Variants in MRPL40 observed in about 807,000 individuals in gnomAD.
MRPL40 encodes large ribosomal subunit protein mL40.
Under a neutral mutation model 24.5 loss-of-function variants are expected in MRPL40, and 18 were observed. The observed-to-expected ratio is 0.73, with a 90% CI of 0.51 to 1.09. The LOEUF is 1.09. MRPL40 is among the 50% of genes least tolerant of loss of function. The pLI, the probability that MRPL40 is intolerant of heterozygous loss-of-function variation, is 0.00. For synonymous variants in MRPL40, 108 were observed against 94.6 expected (o/e 1.14, Z -0.82); for missense variants, 256 against 243.8 (o/e 1.05, Z -0.33).
intron 2 of MRPL40, among the ~76,000 whole-genome samples, chr22:19,433,832 G>A (rs2089568337): frequency 6.6e-6 from 1 of 151,860 alleles, no homozygotes; most frequent in Non-Finnish European, 1.5e-5. Context: ...GTGTGACCTC[G>A]GATCACTGCA....
intron 2 of MRPL40, 57 bp from the exon 3 acceptor site, chr22:19,434,679 C>T (rs577080649): frequency 1.4e-6 from 2 of 1,439,268 alleles, no homozygotes; most frequent in South Asian, 2.8e-5. Flanking sequence ...CATCTTGTCT[C>T]TCAGTAGGTT....
intron 3 of MRPL40, among the ~76,000 whole-genome samples, 169 bp downstream of exon 3, chr22:19,435,063 G>A (rs1381963426): frequency 2.6e-5 from 4 of 152,152 alleles, no homozygotes; most frequent in African/African-American, 9.7e-5. Context: ...GCATCCTTGG[G>A]TGGTACTCTT....
rs964115308 is a variant in MRPL40, at chr22:19,433,296, G to C, written c.85G>C (p.Glu29Gln). The change falls in exon 2 of 4, where the codon GAG becomes CAG. Residue 29 changes from glutamate to glutamine, a missense_variant. Coordinates refer to ENST00000333130, the MANE Select transcript of MRPL40 (RefSeq NM_003776.4). ...LLGTWQTQLRETHQRASLLSF... is the reference protein window; with the variant it reads ...LLGTWQTQLRQTHQRASLLSF... ...GGGAACTTGGCAGACGCAGCTTAGA[G>C]AGACTCACCAGCGAGCGTCATTGTT... 1.2e-6 allele frequency: 2 copies of C among 1,613,274 alleles called. No individual in the cohort carries two copies. Among genetic ancestry groups the C allele is most frequent in the Non-Finnish European group, 1.7e-6 (2 of 1,179,334 alleles).
At chr22:19,434,216 C>CTTTTTTTT (rs35856980) in intron 2 of MRPL40, among the ~76,000 whole-genome samples, 47 of 85,290 alleles carry the variant, frequency 5.5e-4, no homozygotes, top group Non-Finnish European at 7.9e-4. Context: ...TGCTTTTGTA[C>CTTTTTTTT]TTTTTTTTTT....
In MRPL40 at chr22:19,435,901, C is replaced by A. The variant is rs756337447; in HGVS notation, c.560C>A (p.Pro187His). The A allele has an allele frequency of 1.2e-6, 2 of 1,614,118 alleles. No individual in the cohort carries two copies. The highest frequency in any genetic ancestry group is 1.1e-5 in the South Asian group (1 of 91,080). The change falls in exon 4 of 4, where the codon CCC becomes CAC. Residue 187 changes from proline to histidine, a missense_variant. Physicochemically the swap from Pro to His is moderately conservative, Grantham distance 77. Transcript: ENST00000333130. Reference sequence around the variant, plus strand: ...ACACCACCGATCCCTAACTACCAACCCCCTGAAGGCAGGTACAATGACATC... The same window carrying A: ...ACACCACCGATCCCTAACTACCAACACCCTGAAGGCAGGTACAATGACATC... ...HYTPPIPNYQ[P>H]PEGRYNDITK...
chr22:19,432,672 C>T, intron 1 of MRPL40, 65 bp downstream of exon 1: 1 of 1,491,136 alleles, frequency 6.7e-7, no homozygotes, highest in Non-Finnish European at 9.0e-7. Context: ...CGCGACTGTC[C>T]GCCAGGACTC....
Position 19,433,324 on chromosome 22 carries a change from C to T in MRPL40, c.113C>T (p.Ser38Phe). The change falls in exon 2 of 4, where the codon TCT (serine) becomes TTT (phenylalanine). Residue 38 changes from serine (S) to phenylalanine (F), a missense_variant. By Grantham distance (155) the Ser-to-Phe change is radical (BLOSUM62 -2). Coordinates refer to ENST00000333130, the MANE Select transcript of MRPL40 (RefSeq NM_003776.4). The part of the protein sequence containing the change: ...RETHQRASLL[S>F]FWELIPMRSE... ...ACTCACCAGCGAGCGTCATTGTTGT[C>T]TTTCTGGGAACTCATTCCCATGAGG... The T allele has an allele frequency of 4.3e-6, 7 of 1,612,368 alleles. No individual in the cohort carries two copies. The highest frequency in any genetic ancestry group is 5.9e-6 in the Non-Finnish European group (7 of 1,178,520).
Position 19,435,954 on chromosome 22 carries a change from A to AAGAGAT in MRPL40, c.617_*1dup. ...CAAGGTGTACACACAAGTGGAGTTT[A>AAGAGAT]AGAGATAGACTTGCAGGCTGCTATC... is the stretch of plus-strand genomic sequence containing the variant. On this transcript the variant is annotated stop_gained and inframe_insertion, in exon 4 of 4. Coordinates refer to ENST00000333130, the MANE Select transcript of MRPL40 (RefSeq NM_003776.4). LOFTEE classifies it high-confidence loss of function. 2 of 1,612,522 alleles carry AAGAGAT rather than the reference A, an allele frequency of 1.2e-6. No individual in the cohort carries two copies. Among genetic ancestry groups the AAGAGAT allele is most frequent in the Non-Finnish European group, 1.7e-6 (2 of 1,178,752 alleles).
In MRPL40 at chr22:19,434,814, C is replaced by T; in HGVS notation, c.216C>T (p.Ile72=). ...CAAAGGAGCGCTTGAAAAGGAAGAT[C>T]CGAAAACTGGAAAAGGCTACTCAAG... ...QEAKERLKRK[I]RKLEKATQEL... Residue 72 remains isoleucine, a synonymous_variant, in exon 3 of 4, where the codon ATC becomes ATT. Coordinates refer to ENST00000333130, the MANE Select transcript of MRPL40 (RefSeq NM_003776.4). 2 of 1,612,430 alleles carry T rather than the reference C, an allele frequency of 1.2e-6. No individual in the cohort carries two copies. Among genetic ancestry groups the T allele is most frequent in the Non-Finnish European group, 1.7e-6 (2 of 1,179,598 alleles).
At position 19,432,741 on chromosome 22, in the gene MRPL40, C is replaced by A; in HGVS notation, c.53+134C>A. 3 of 1,412,084 alleles carry A rather than the reference C, an allele frequency of 2.1e-6. No individual in the cohort carries two copies. The South Asian group carries it at 4.5e-5, about 21-fold the overall frequency. The allele number at this position is 1,412,084 out of a possible 1,614,324, so 87.5% of individuals were successfully genotyped here. A position where few individuals can be genotyped will look rare whatever the true frequency, so the allele number is the denominator to read the frequency against. On this transcript the variant is annotated intron_variant, in intron 1 of 3. Transcript: ENST00000333130. ...ATATCTCAGGGATGAGCCATCTGGT[C>A]GTGACTCTTATGCATGAAAATCTGA...
rs1249105549 is a variant in MRPL40, at chr22:19,435,881, A to T, written c.540A>T (p.Pro180=). The T allele has an allele frequency of 1.2e-6, 2 of 1,613,914 alleles. No individual in the cohort carries two copies. The highest frequency in any genetic ancestry group is 2.7e-5 in the African/African-American group (2 of 74,844). ...PFEKEGPHYT[P]PIPNYQPPEG... is the part of the protein sequence containing the mutation. The stretch of plus-strand genomic sequence containing the variant: ...AGAAGGAAGGGCCACATTACACACC[A>T]CCGATCCCTAACTACCAACCCCCTG... The change falls in exon 4 of 4, where the codon CCA becomes CCT. Residue 180 remains proline (P), a synonymous_variant. Coordinates refer to ENST00000333130, the MANE Select transcript of MRPL40 (RefSeq NM_003776.4).
At chr22:19,433,743 A>G (rs531792225) in intron 2 of MRPL40, among the ~76,000 whole-genome samples, 8 of 152,040 alleles carry the variant, frequency 5.3e-5, no homozygotes, top group African/African-American at 1.7e-4. Context: ...GATTCAGTCA[A>G]TCTTGATAGT....
chr22:19,432,940 A>G (rs2089557107), intron 1 of MRPL40: 2 of 1,103,314 alleles, frequency 1.8e-6, no homozygotes, highest in African/African-American at 1.6e-5. Flanking sequence ...ATATTTATTT[A>G]TTTATTTGAG....
chr22:19,434,937 G>A, intron 3 of MRPL40, 43 bp downstream of exon 3: 2 of 1,498,920 alleles, frequency 1.3e-6, no homozygotes, highest in Non-Finnish European at 1.8e-6. Flanking sequence ...GGACAAAGGA[G>A]TAATATCAAC....
At chr22:19,435,559 T>C in intron 3 of MRPL40, 79 bp from the exon 4 acceptor site, 1 of 1,331,604 alleles carries the variant, frequency 7.5e-7, no homozygotes, top group Non-Finnish European at 1.0e-6. Context: ...TGTCTGTGTC[T>C]GGCAATGGGA....
In MRPL40 at chr22:19,435,773, G is replaced by A. The variant is rs2146271443; in HGVS notation, c.432G>A (p.Gln144=). Residue 144 remains glutamine, a synonymous_variant, in exon 4 of 4, where the codon CAG becomes CAA. Coordinates refer to ENST00000333130, the MANE Select transcript of MRPL40 (RefSeq NM_003776.4). ...DTIRAMLEAQ[Q]EALEELQLES... is the part of the protein sequence containing the mutation. ...TCAGGGCTATGCTAGAAGCCCAGCA[G>A]GAAGCTCTGGAGGAACTGCAACTGG... 6.2e-7 allele frequency: 1 copy of A among 1,614,174 alleles called. No individual in the cohort carries two copies. The highest frequency in any genetic ancestry group is 8.5e-7 in the Non-Finnish European group (1 of 1,180,028).
Position 19,432,617 on chromosome 22 carries a change from G to GACGCTGGCCGGATAGCGGAGTGCCC in MRPL40, c.53+12_53+36dup. 2 of 1,549,492 alleles carry GACGCTGGCCGGATAGCGGAGTGCCC rather than the reference G, an allele frequency of 1.3e-6. No individual in the cohort carries two copies. The highest frequency in any genetic ancestry group is 1.7e-6 in the Non-Finnish European group (2 of 1,147,610). Reference sequence around the variant, plus strand: ...TGCGCCCGACTAGCGGGTGAGTGCGGACGCTGGCCGGATAGCGGAGTGCCC... The same window carrying GACGCTGGCCGGATAGCGGAGTGCCC: ...TGCGCCCGACTAGCGGGTGAGTGCGGACGCTGGCCGGATAGCGGAGTGCCCACGCTGGCCGGATAGCGGAGTGCCC... On this transcript the variant is annotated intron_variant, in intron 1 of 3. Coordinates refer to ENST00000333130, the MANE Select transcript of MRPL40 (RefSeq NM_003776.4).
chr22:19,434,420 G>A (rs1213675607), intron 2 of MRPL40, among the ~76,000 whole-genome samples: 4 of 151,154 alleles, frequency 2.6e-5, no homozygotes, highest in Non-Finnish European at 5.9e-5. Context: ...ACAGGGTTTC[G>A]CCATGTTGAC....
rs976734908 is a variant in MRPL40, at chr22:19,433,051, C to T, written c.54-214C>T. On this transcript the variant is annotated intron_variant, in intron 1 of 3. Coordinates refer to ENST00000333130, the MANE Select transcript of MRPL40 (RefSeq NM_003776.4). Reference sequence around the variant, plus strand: ...TTCAAGCAGTTCTGCCCCGGCCTCCCGAGTAGCTCGGATTACAGGCGCCCA... The same window carrying T: ...TTCAAGCAGTTCTGCCCCGGCCTCCTGAGTAGCTCGGATTACAGGCGCCCA... 48 of 527,406 alleles carry T rather than the reference C, an allele frequency of 9.1e-5. No individual in the cohort carries two copies. In the African/African-American group the frequency reaches 9.4e-4, roughly 10 times the overall value. 32.7% of individuals were successfully genotyped at this position (527,406 alleles called of 1,614,324 possible).
Sources: allele counts gnomAD v4.1 joint callset (sites outside exome capture counted in the v4.1 genomes callset), GRCh38; gene constraint gnomAD v4.1.1; transcripts MANE v1.5; gene names NCBI Gene and HGNC (gene_info 2026-07-23, HGNC 2026-07-21).